Variants in C11orf65 observed in about 807,000 individuals in gnomAD.
C11orf65 encodes the protein protein MFI.
Under a neutral mutation model 35.3 loss-of-function variants are expected in C11orf65, and 38 were observed. That is an observed-to-expected ratio of 1.08 (90% CI 0.83 to 1.41). C11orf65 has a LOEUF of 1.41. Ranked by LOEUF, C11orf65 falls within the 40% of genes most tolerant of loss-of-function variation. The probability of loss-of-function intolerance (pLI) is 0.00; values close to 1 mark genes in which losing one functional copy is unlikely to be tolerated. For missense variants in C11orf65, 370 were observed against 367.1 expected (o/e 1.01, Z -0.06); for synonymous variants, 105 against 114.4 (o/e 0.92, Z 0.53).
chr11:108,317,645 A>ATATATATATG (rs1263150866), intron 6 of C11orf65: 4 of 177,574 alleles, frequency 2.3e-5, no homozygotes, highest in Non-Finnish European at 1.0e-5. Context: ...ATATATATAT[A>ATATATATATG]TATATATACA....
chr11:108,445,051 T>A (rs2135557028), intron 2 of C11orf65, among the ~76,000 whole-genome samples: 1 of 152,296 alleles, frequency 6.6e-6, no homozygotes, highest in Non-Finnish European at 1.5e-5. Context: ...GCAGCAAGGC[T>A]GGAGGAGGGG....
chr11:108,432,550 T>C (rs1358067610), intron 2 of C11orf65, among the ~76,000 whole-genome samples: 3 of 152,154 alleles, frequency 2.0e-5, no homozygotes, highest in Non-Finnish European at 4.4e-5. Context: ...CTTGGAAAAT[T>C]ATTTCTTTGG....
rs587781990 is a variant in C11orf65 at position 108,335,082 on chromosome 11, T to C, written c.299+138A>G. The C allele has an allele frequency of 1.2e-6, 2 of 1,614,148 alleles. No individual in the cohort carries two copies. The highest frequency in any genetic ancestry group is 1.7e-6 in the Non-Finnish European group (2 of 1,179,992). Reference sequence around the variant, plus strand: ...AAATAATAGATTGTGTAGGTTCCGATGGCAAGGAGAGGAGACAGCTTGTTA... The same window carrying C: ...AAATAATAGATTGTGTAGGTTCCGACGGCAAGGAGAGGAGACAGCTTGTTA... On this transcript the variant is annotated intron_variant, in intron 3 of 3. Coordinates refer to the C11orf65 transcript ENST00000524755.
At chr11:108,384,436 CTTT>C (rs2091941236) in intron 8 of C11orf65, among the ~76,000 whole-genome samples, 1 of 152,150 alleles carries the variant, frequency 6.6e-6, no homozygotes. Flanking sequence ...CGTTATTCTT[CTTT>C]TACTAGTGAA....
chr11:108,342,180 G>C (rs2087665769), intron 2 of C11orf65, among the ~76,000 whole-genome samples: 1 of 152,008 alleles, frequency 6.6e-6, no homozygotes, highest in Non-Finnish European at 1.5e-5. Context: ...GTGTGGCCCA[G>C]GGAATCCAAA....
At chr11:108,354,942 G>T in intron 2 of C11orf65, 2 of 1,292,372 alleles carry the variant, frequency 1.5e-6, no homozygotes, top group Non-Finnish European at 2.2e-6. Flanking sequence ...TCATCAGGAA[G>T]TCACTGATGT....
At chr11:108,395,787 A>AT (rs1293173864) in intron 6 of C11orf65, among the ~76,000 whole-genome samples, 2 of 148,908 alleles carry the variant, frequency 1.3e-5, no homozygotes, top group African/African-American at 2.5e-5. Context: ...CGCCTGGCTA[A>AT]TTTTTTGTAT....
At chr11:108,356,091 T>C (rs1279263229) in intron 2 of C11orf65, 7 of 152,238 alleles carry the variant, frequency 4.6e-5, no homozygotes, top group Non-Finnish European at 1.0e-4. Context: ...TTGTCATTTG[T>C]TACAGTTTGC....
At chr11:108,377,344 G>C (rs1428376798) in intron 2 of C11orf65, among the ~76,000 whole-genome samples, 1 of 152,152 alleles carries the variant, frequency 6.6e-6, no homozygotes, top group African/African-American at 2.4e-5. Context: ...ATCAATAAAT[G>C]TAATCCAGCA....
intron 3 of C11orf65, among the ~76,000 whole-genome samples, chr11:108,414,290 A>C (rs1031608628): frequency 6.6e-6 from 1 of 152,024 alleles, no homozygotes; most frequent in Non-Finnish European, 1.5e-5. Context: ...GGACATCTTA[A>C]TCTTCCACAC....
chr11:108,450,784 AT>A (rs2093337452), intron 2 of C11orf65, among the ~76,000 whole-genome samples: 1 of 151,718 alleles, frequency 6.6e-6, no homozygotes, highest in African/African-American at 2.4e-5. Flanking sequence ...TAATAATAAA[AT>A]TTTAAAAAAA....
In C11orf65 at chr11:108,393,281, C is replaced by G. The variant is rs567356056; in HGVS notation, c.658G>C (p.Gly220Arg). The change falls in exon 7 of 9, where the codon GGG (glycine) becomes CGG (arginine). Residue 220 changes from glycine to arginine, a missense_variant. Coordinates refer to ENST00000393084, the MANE Select transcript of C11orf65 (RefSeq NM_152587.5). ...TKGLIRAFED[G>R]GIDSVMEWEV... Reference sequence around the variant, plus strand: ...CATTCCATCACAGAATCTATCCCCCCATCTTCAAAAGCTCTAATCAGCCCC... The same window carrying G: ...CATTCCATCACAGAATCTATCCCCCGATCTTCAAAAGCTCTAATCAGCCCC... The G allele has an allele frequency of 2.6e-5, 42 of 1,613,950 alleles. No individual in the cohort carries two copies. Among genetic ancestry groups the G allele is most frequent in the Admixed American group, 1.2e-4 (7 of 59,994 alleles).
chr11:108,451,013 T>C (rs1318972532), intron 2 of C11orf65, among the ~76,000 whole-genome samples: 1 of 151,870 alleles, frequency 6.6e-6, no homozygotes, highest in Non-Finnish European at 1.5e-5. Flanking sequence ...TGTTTCAAAA[T>C]AATAACAGCT....
At chr11:108,356,365 G>C (rs190711723) in intron 2 of C11orf65, among the ~76,000 whole-genome samples, 14 of 152,022 alleles carry the variant, frequency 9.2e-5, no homozygotes, top group Admixed American at 2.6e-4. Context: ...GTGAAACCCC[G>C]TCTCTAATAA....
At chr11:108,435,157 C>T (rs1231282052) in intron 2 of C11orf65, among the ~76,000 whole-genome samples, 1 of 152,174 alleles carries the variant, frequency 6.6e-6, no homozygotes, top group Non-Finnish European at 1.5e-5. Context: ...TAATGATCCA[C>T]TAGTGAAAAT....
intron 2 of C11orf65, among the ~76,000 whole-genome samples, chr11:108,438,216 G>A (rs1212100904): frequency 6.6e-6 from 1 of 152,096 alleles, no homozygotes; most frequent in African/African-American, 2.4e-5. Context: ...TAATGAAATT[G>A]GGTCCTTAAT....
chr11:108,315,854 G>A (rs2084588118), intron 6 of C11orf65: 1 of 1,613,096 alleles, frequency 6.2e-7, no homozygotes. Context: ...AGAAGTATAG[G>A]GGAGCCAGAT....
In C11orf65 at chr11:108,406,923, T is replaced by C; in HGVS notation, c.269A>G (p.His90Arg). 2 of 1,612,542 alleles carry C rather than the reference T, an allele frequency of 1.2e-6. No individual in the cohort carries two copies. The highest frequency in any genetic ancestry group is 4.5e-5 in the East Asian group (2 of 44,764). Residue 90 changes from histidine (H) to arginine (R), a missense_variant, in exon 5 of 9, where the codon CAC becomes CGC. Coordinates refer to ENST00000393084, the MANE Select transcript of C11orf65 (RefSeq NM_152587.5). Reference protein sequence around the residue: ...PPDIYYKIFTHRPIEDLCANS... With the variant: ...PPDIYYKIFTRRPIEDLCANS... Reference sequence around the variant, plus strand: ...AGCACAGAGATCTTCAATAGGTCTGTGAGTAAAAATCTTATAGTATATATC... The same window carrying C: ...AGCACAGAGATCTTCAATAGGTCTGCGAGTAAAAATCTTATAGTATATATC...
intron 3 of C11orf65, among the ~76,000 whole-genome samples, chr11:108,417,640 C>T (rs569236190): frequency 5.9e-5 from 9 of 151,588 alleles, no homozygotes; most frequent in Non-Finnish European, 1.3e-4. Context: ...AGTAAAATGA[C>T]AGGAAAGATG....
Sources: gnomAD v4.1 joint callset for allele counts (sites outside exome capture counted in the v4.1 genomes callset) on GRCh38, gnomAD v4.1.1 for gene constraint, MANE v1.5 for transcripts, NCBI Gene and HGNC (gene_info 2026-07-23, HGNC 2026-07-21) for gene names.